The following SLC37A1 variants were observed in gnomAD, a reference collection of about 807,000 sequenced individuals.
The protein encoded by SLC37A1 is solute carrier family 37 member 1, also known as glucose-6-phosphate exchanger SLC37A1.
Under a neutral mutation model 75.3 loss-of-function variants are expected in SLC37A1, and 49 were observed. That is an observed-to-expected ratio of 0.65 (90% confidence interval 0.52 to 0.83). SLC37A1 has a LOEUF of 0.83. Among genes scored for constraint, SLC37A1 ranks in the 40% least tolerant of loss-of-function variants. The pLI, the probability that SLC37A1 is intolerant of heterozygous loss-of-function variation, is 0.00. For synonymous variants in SLC37A1, 268 were observed against 292.1 expected, an observed-to-expected ratio of 0.92 and a Z score of 0.84; for missense variants, 566 against 695.0, an observed-to-expected ratio of 0.81 and a Z score of 2.09.
intron 8 of SLC37A1, 90 bp downstream of exon 8, chr21:42,543,692 C>T (rs998650187): frequency 3.1e-5 from 41 of 1,335,092 alleles, no homozygotes; most frequent in Admixed American, 2.2e-4. Flanking sequence ...GTGAGAGCTG[C>T]GTGGCCTAGC....
chr21:42,520,195 A>G (rs7280116), intron 2 of SLC37A1, among the ~76,000 whole-genome samples: 124,512 of 152,204 alleles, frequency 0.82, 51,532 homozygotes, highest in African/African-American at 0.87. Flanking sequence ...TGTTAAAAAC[A>G]ATATCAAATG....
At chr21:42,563,100 G>A (rs2055875019) in intron 12 of SLC37A1, among the ~76,000 whole-genome samples, 1 of 152,162 alleles carries the variant, frequency 6.6e-6, no homozygotes, top group South Asian at 2.1e-4. Flanking sequence ...TGGGGAGGCA[G>A]CAAGGAGCAC....
intron 17 of SLC37A1, among the ~76,000 whole-genome samples, chr21:42,571,888 C>T (rs919375952): frequency 3.3e-5 from 5 of 152,202 alleles, no homozygotes; most frequent in Admixed American, 6.5e-5. Flanking sequence ...CCACCCCTTT[C>T]ACGCCATCAG....
chr21:42,542,186 A>G (rs1020803839), intron 6 of SLC37A1, among the ~76,000 whole-genome samples: 3 of 152,148 alleles, frequency 2.0e-5, no homozygotes, highest in Non-Finnish European at 2.9e-5. Flanking sequence ...CACAATAGGC[A>G]TGCATTGCTT....
intron 4 of SLC37A1, 107 bp from the exon 5 acceptor site, chr21:42,535,365 A>G: frequency 1.1e-6 from 1 of 933,698 alleles, no homozygotes; most frequent in South Asian, 1.5e-5. Flanking sequence ...GCGTTTCACT[A>G]AGTACACCCC....
At chr21:42,568,644 A>T (rs2056043604) in intron 17 of SLC37A1, among the ~76,000 whole-genome samples, 2 of 152,150 alleles carry the variant, frequency 1.3e-5, no homozygotes, top group Non-Finnish European at 2.9e-5. Context: ...CGGGCGTGTG[A>T]CTAGCTGTGC....
rs1016609143 is a variant in SLC37A1 at position 42,575,708 on chromosome 21, G to C, written c.1521+793G>C. The C allele has an allele frequency of 1.4e-5, 14 of 985,286 alleles. No individual in the cohort carries two copies. The Admixed American group carries it at 3.7e-4, about 26-fold the overall frequency. The allele number at this position is 985,286 out of a possible 1,614,324, so 61.0% of individuals were successfully genotyped here. A position where few individuals can be genotyped will look rare whatever the true frequency, so the allele number is the denominator to read the frequency against. ...AGGCTGATCCCAATAAAAATGAGTT[G>C]AGAATTTCAGAAATATCAACTCACT... On this transcript the variant is annotated intron_variant, in intron 18 of 19. Coordinates refer to ENST00000352133, the MANE Select transcript of SLC37A1 (RefSeq NM_001320537.2).
In SLC37A1 at chr21:42,539,494, T is replaced by A. The variant is rs775919939; in HGVS notation, c.351-18T>A. On this transcript the variant is annotated intron_variant, in intron 5 of 19. Coordinates refer to ENST00000352133, the MANE Select transcript of SLC37A1 (RefSeq NM_001320537.2). ...CGTGTTTGTTATTCCTATTTGTCTT[T>A]CCTTCTCTCCACCTCAGTGGCATCA... 4 of 1,600,780 alleles carry A rather than the reference T, an allele frequency of 2.5e-6. No individual in the cohort carries two copies. In the East Asian group the frequency reaches 9.0e-5, roughly 36 times the overall value.
At chr21:42,577,326 T>C (rs1485873152) in intron 18 of SLC37A1, among the ~76,000 whole-genome samples, 1 of 152,256 alleles carries the variant, frequency 6.6e-6, no homozygotes, top group Non-Finnish European at 1.5e-5. Flanking sequence ...ATGGTTTATA[T>C]TTTTAAATAT....
At chr21:42,557,141 C>T (rs79787972) in intron 10 of SLC37A1, among the ~76,000 whole-genome samples, 2,191 of 152,334 alleles carry the variant, frequency 0.014, 53 homozygotes, top group African/African-American at 0.049. Context: ...GTGCGCTTCT[C>T]CTGGCTAAGC....
chr21:42,513,977 G>C lies in SLC37A1; in HGVS notation c.-919G>C, dbSNP rs1189847114. The C allele has an allele frequency of 6.8e-6, 1 of 146,736 alleles. No homozygotes were observed. Among genetic ancestry groups the C allele is most frequent in the African/African-American group, 2.5e-5 (1 of 40,800 alleles). 9.1% of individuals were successfully genotyped at this position (146,736 alleles called of 1,614,324 possible). On this transcript the variant is annotated 5_prime_UTR_variant, in exon 1 of 20. Transcript: ENST00000352133. Reference sequence around the variant, plus strand: ...GGAGGCGGGGACCCCCCGCCCCCCCGCCCGCACCTGCGGGGCAGCCGGCGC... The same window carrying C: ...GGAGGCGGGGACCCCCCGCCCCCCCCCCCGCACCTGCGGGGCAGCCGGCGC...
chr21:42,558,872 C>T (rs2055754746), intron 10 of SLC37A1, 86 bp from the exon 11 acceptor site: 12 of 1,563,898 alleles, frequency 7.7e-6, no homozygotes, highest in Non-Finnish European at 1.0e-5. Context: ...CAGGCACCCT[C>T]GTCATTAGGA....
chr21:42,555,909 CCATTGCT>C (rs376706658), intron 10 of SLC37A1, among the ~76,000 whole-genome samples: 202 of 152,344 alleles, frequency 1.3e-3, no homozygotes, highest in African/African-American at 4.8e-3. Context: ...GGCGGGCCTG[CCATTGCT>C]CTTGGGTCAG....
chr21:42,579,714 G>C (rs761281679), intron 18 of SLC37A1, 22 bp from the exon 19 acceptor site: 1 of 1,613,974 alleles, frequency 6.2e-7, no homozygotes, highest in Non-Finnish European at 8.5e-7. Flanking sequence ...TAACAGGTGG[G>C]CTCACCTTTG....
At chr21:42,567,552 T>A (rs557573866) in intron 16 of SLC37A1, among the ~76,000 whole-genome samples, 5 of 152,220 alleles carry the variant, frequency 3.3e-5, no homozygotes, top group Non-Finnish European at 7.3e-5. Flanking sequence ...CCATTAGCAA[T>A]GGTCAGCCTT....
At chr21:42,508,162 T>C (rs1344505005) in intron 2 of SLC37A1, among the ~76,000 whole-genome samples, 2 of 134,118 alleles carry the variant, frequency 1.5e-5, no homozygotes, top group African/African-American at 5.7e-5. Flanking sequence ...GGAGTCTCGC[T>C]CTGTTGCCCA....
chr21:42,567,633 T>A (rs77880500), intron 16 of SLC37A1, among the ~76,000 whole-genome samples: 6,779 of 152,268 alleles, frequency 0.045, 488 homozygotes, highest in African/African-American at 0.15. Context: ...TCTGGATGAT[T>A]TTCATATTGT....
intron 10 of SLC37A1, 26 bp downstream of exon 10, chr21:42,554,168 C>G: frequency 1.9e-6 from 3 of 1,606,436 alleles, no homozygotes; most frequent in Non-Finnish European, 2.6e-6. Flanking sequence ...CTTCCACTTC[C>G]TAGAATGTCG....
At chr21:42,521,629 C>T (rs960948899) in intron 2 of SLC37A1, among the ~76,000 whole-genome samples, 2 of 152,218 alleles carry the variant, frequency 1.3e-5, no homozygotes, top group African/African-American at 4.8e-5. Context: ...AGGGGCACCC[C>T]CATCTGGTGC....
Sources: gnomAD v4.1 joint callset for allele counts (sites outside exome capture counted in the v4.1 genomes callset) on GRCh38, gnomAD v4.1.1 for gene constraint, MANE v1.5 for transcripts, NCBI Gene and HGNC (gene_info 2026-07-23, HGNC 2026-07-21) for gene names.